KYNU: variants seen among roughly 807,000 people sequenced by gnomAD.
The protein encoded by KYNU is L-kynurenine hydrolase.
A neutral mutation model predicts 59.2 loss-of-function variants in KYNU; 54 were observed. The observed-to-expected ratio is 0.91, with a 90% confidence interval of 0.73 to 1.14. The LOEUF (loss-of-function observed/expected upper bound fraction) is 1.14, where lower values mean the gene tolerates loss of function less well. Among genes scored for constraint, KYNU ranks in the 50% most tolerant of loss-of-function variants. The pLI is 0.00. For synonymous variants in KYNU, 177 were observed against 192.0 expected, an observed-to-expected ratio of 0.92 and a Z score of 0.65; for missense variants, 567 against 554.4, an observed-to-expected ratio of 1.02 and a Z score of -0.23.
At chr2:143,033,142 T>G (rs1686805644) in intron 11 of KYNU, 94 bp from the exon 12 acceptor site, 1 of 876,062 alleles carries the variant, frequency 1.1e-6, no homozygotes, top group Admixed American at 1.7e-5. Context: ...AAGAAAAGTT[T>G]AAGTCTTGCT....
intron 10 of KYNU, among the ~76,000 whole-genome samples, chr2:143,006,348 T>C (rs919877622): frequency 1.3e-5 from 2 of 151,668 alleles, no homozygotes; most frequent in African/African-American, 4.9e-5. Context: ...CTTTTCTGAT[T>C]GACTTAAAAA....
intron 8 of KYNU, among the ~76,000 whole-genome samples, chr2:142,968,837 C>T (rs951085600): frequency 2.0e-5 from 3 of 152,034 alleles, no homozygotes; most frequent in African/African-American, 2.4e-5. Flanking sequence ...CACTTGAGCT[C>T]AGGAGGTGGA....
chr2:143,029,868 T>G lies in KYNU; in HGVS notation c.955+189T>G, dbSNP rs182474667. Among the ~76,000 whole-genome samples, 64 of 152,338 alleles carry G rather than the reference T, an allele frequency of 4.2e-4. No homozygotes were observed. The East Asian group carries it at 4.2e-3, about 10-fold the overall frequency. ...AGAGTTTATAGATTTTAGCATGATT[T>G]TGAGTCTATCCCTTAGCAGGGAGAT... On this transcript the variant is annotated intron_variant, in intron 11 of 13. Transcript: ENST00000264170.
intron 2 of KYNU, among the ~76,000 whole-genome samples, chr2:142,907,511 CA>C (rs1278551470): frequency 6.6e-6 from 1 of 152,074 alleles, no homozygotes; most frequent in African/African-American, 2.4e-5. Context: ...TGGCAAATAG[CA>C]GTTGTGGATG....
At chr2:143,013,296 C>CTTTGTGTGTGTGTGTGTGTG (rs960835921) in intron 10 of KYNU, among the ~76,000 whole-genome samples, 1 of 120,658 alleles carries the variant, frequency 8.3e-6, no homozygotes, top group African/African-American at 3.6e-5. Context: ...CTGTCTCTTT[C>CTTTGTGTGTGTGTGTGTGTG]TCTGTGTGTG....
At chr2:142,895,176 G>T (rs1375981046) in intron 2 of KYNU, among the ~76,000 whole-genome samples, 1 of 151,998 alleles carries the variant, frequency 6.6e-6, no homozygotes, top group Non-Finnish European at 1.5e-5. Flanking sequence ...ATATTTTGTT[G>T]TACAGTCTGA....
intron 10 of KYNU, among the ~76,000 whole-genome samples, chr2:142,989,159 G>C (rs1402325707): frequency 6.6e-6 from 1 of 151,868 alleles, no homozygotes; most frequent in African/African-American, 2.4e-5. Flanking sequence ...AAGTTTTCTT[G>C]TGAATAATAT....
intron 2 of KYNU, among the ~76,000 whole-genome samples, chr2:142,892,003 C>A (rs188626219): frequency 3.3e-5 from 5 of 152,188 alleles, no homozygotes; most frequent in Admixed American, 1.3e-4. Context: ...ACCTCCACCC[C>A]CTGAACTCAA....
intron 8 of KYNU, among the ~76,000 whole-genome samples, chr2:142,979,202 T>C (rs1684980909): frequency 6.6e-6 from 1 of 152,216 alleles, no homozygotes; most frequent in African/African-American, 2.4e-5. Flanking sequence ...ACTACTATTT[T>C]GCCCAAGATA....
intron 4 of KYNU, 141 bp downstream of exon 4, chr2:142,927,882 A>G: frequency 3.2e-6 from 2 of 622,690 alleles, no homozygotes; most frequent in Non-Finnish European, 5.7e-6. Flanking sequence ...AAAAGGAAGT[A>G]CACTTTCAAC....
Position 143,048,508 on chromosome 2 carries a change from A to G in KYNU, c.*6336A>G, listed in dbSNP as rs1044922793. 2 of 151,622 alleles carry G rather than the reference A, an allele frequency of 1.3e-5. No homozygotes were observed. The highest frequency in any genetic ancestry group is 2.9e-5 in the Non-Finnish European group (2 of 67,918). The allele number at this position is 151,622 out of a possible 1,614,324, so 9.4% of individuals were successfully genotyped here. On this transcript the variant is annotated 3_prime_UTR_variant, in exon 14 of 14. Coordinates refer to ENST00000264170, the MANE Select transcript of KYNU (RefSeq NM_003937.3). ...TCTCTCTCTCTCACTAATGTTTGCT[A>G]TTTCTCCCTACAATTCAGAATTTTA...
In KYNU at chr2:143,045,325, G is replaced by A. The variant is rs924234104; in HGVS notation, c.*3153G>A. The A allele has an allele frequency of 1.3e-5, 2 of 151,890 alleles. No individual in the cohort carries two copies. The highest frequency in any genetic ancestry group is 1.3e-4 in the Admixed American group (2 of 15,224). The allele number at this position is 151,890 out of a possible 1,614,324, so 9.4% of individuals were successfully genotyped here. Reference sequence around the variant, plus strand: ...GTCTTGGCAATACAGGTTCTTTTTTGGTTCCATATGAAATTTAAAGTAGTT... The same window carrying A: ...GTCTTGGCAATACAGGTTCTTTTTTAGTTCCATATGAAATTTAAAGTAGTT... On this transcript the variant is annotated 3_prime_UTR_variant, in exon 14 of 14. Coordinates refer to ENST00000264170, the MANE Select transcript of KYNU (RefSeq NM_003937.3).
At chr2:143,027,828 A>C (rs1404233866) in intron 10 of KYNU, among the ~76,000 whole-genome samples, 1 of 152,154 alleles carries the variant, frequency 6.6e-6, no homozygotes, top group Non-Finnish European at 1.5e-5. Context: ...TTGTGACATG[A>C]TCTGAGGACT....
chr2:143,040,469 T>G lies in KYNU; in HGVS notation c.1083T>G (p.Ser361=), dbSNP rs1220917682. The change falls in exon 13 of 14, where the codon TCT becomes TCG. Residue 361 remains serine, a synonymous_variant. Coordinates refer to ENST00000264170, the MANE Select transcript of KYNU (RefSeq NM_003937.3). ...QATMKALRKK[S]VLLTGYLEYL... Reference sequence around the variant, plus strand: ...CAATGAAGGCATTGCGGAAAAAATCTGTTTTGCTAACTGGCTATCTGGAAT... The same window carrying G: ...CAATGAAGGCATTGCGGAAAAAATCGGTTTTGCTAACTGGCTATCTGGAAT... 1.9e-6 allele frequency: 3 copies of G among 1,613,292 alleles called. No homozygotes were observed. In the South Asian group the frequency reaches 3.3e-5, roughly 18 times the overall value.
At chr2:142,988,869 A>C in intron 10 of KYNU, 1 of 1,608,694 alleles carries the variant, frequency 6.2e-7, no homozygotes, top group Non-Finnish European at 8.5e-7. Context: ...TTAATTAGGA[A>C]TGGAATGCAA....
chr2:143,005,592 G>C (rs1014202150), intron 10 of KYNU, among the ~76,000 whole-genome samples: 4 of 152,026 alleles, frequency 2.6e-5, no homozygotes, highest in Non-Finnish European at 5.9e-5. Flanking sequence ...GTTTGCAATA[G>C]TATAAATATA....
At position 143,009,086 on chromosome 2, in the gene KYNU, C is replaced by CA. The variant is rs1245078457; in HGVS notation, c.903-20535dup. Among the ~76,000 whole-genome samples the CA allele has an allele frequency of 1.6e-3, 190 of 118,218 alleles. 8 individuals carry two copies. Among genetic ancestry groups the CA allele is most frequent in the Middle Eastern group, 4.0e-3 (1 of 248 alleles). The allele number at this position is 118,218 out of a possible 152,430, so 77.6% of individuals were successfully genotyped here. A position where few individuals can be genotyped will look rare whatever the true frequency, so the allele number is the denominator to read the frequency against. On this transcript the variant is annotated intron_variant, in intron 10 of 13. Coordinates refer to ENST00000264170, the MANE Select transcript of KYNU (RefSeq NM_003937.3). ...AGCAGAACTGAAGGAAATAGAGACA[C>CA]AAAAAACCCTTCAAAAAAATCAATG...
At chr2:142,983,829 A>T (rs1685119123) in intron 8 of KYNU, among the ~76,000 whole-genome samples, 3 of 152,098 alleles carry the variant, frequency 2.0e-5, no homozygotes, top group Admixed American at 1.3e-4. Flanking sequence ...TTTAAAAAAC[A>T]GTAGCATTGT....
At chr2:142,944,088 T>C (rs1683695014) in intron 4 of KYNU, among the ~76,000 whole-genome samples, 2 of 152,210 alleles carry the variant, frequency 1.3e-5, no homozygotes, top group South Asian at 4.1e-4. Context: ...ACAGAGTATT[T>C]TCTGTAAACA....
Sources: gnomAD v4.1 joint callset for allele counts (sites outside exome capture counted in the v4.1 genomes callset) on GRCh38, gnomAD v4.1.1 for gene constraint, MANE v1.5 for transcripts, NCBI Gene and HGNC (gene_info 2026-07-23, HGNC 2026-07-21) for gene names.